Variants in IL2RA observed in about 807,000 individuals in gnomAD.
IL2RA encodes interleukin-2 receptor subunit alpha.
In IL2RA, 24 loss-of-function variants were observed where a neutral mutation model predicts 37.8. The observed-to-expected ratio is 0.63, with a 90% confidence interval of 0.46 to 0.89. The LOEUF is 0.89. Among genes scored for constraint, IL2RA ranks in the 40% least tolerant of loss-of-function variants. The probability of loss-of-function intolerance (pLI) is 0.00; values close to 1 mark genes in which losing one functional copy is unlikely to be tolerated. For missense variants in IL2RA, 319 were observed against 348.6 expected (o/e 0.92, Z 0.68); for synonymous variants, 125 against 114.6 (o/e 1.09, Z -0.58).
chr10:6,044,046 G>A lies in IL2RA; in HGVS notation c.65-18021C>T, dbSNP rs1839812585. Among the ~76,000 whole-genome samples the A allele has an allele frequency of 6.6e-6, 1 of 152,182 alleles. No individual in the cohort carries two copies. Among genetic ancestry groups the A allele is most frequent in the Non-Finnish European group, 1.5e-5 (1 of 68,036 alleles). On this transcript the variant is annotated intron_variant, in intron 1 of 7. Transcript: ENST00000379959. The surrounding 1 kb of genome is among the most constrained non-coding windows in gnomAD (Gnocchi z 4.5). ...CCCCTCTCCCCAAACTCAGTGGCAA[G>A]TCCACAGCGGGGAAAGTCTAACTCC...
In IL2RA at chr10:6,020,263, C is replaced by T. The variant is rs186102104; in HGVS notation, c.584-322G>A. ...GACTTGGAAACAGGTCATAATAATA[C>T]GAATGCCATTGAACCACTGGATGGA... On this transcript the variant is annotated intron_variant, in intron 4 of 7. Coordinates refer to ENST00000379959, the MANE Select transcript of IL2RA (RefSeq NM_000417.3). The surrounding 1 kb of genome is among the most constrained non-coding windows in gnomAD (Gnocchi z 5.6). Among the ~76,000 whole-genome samples the T allele has an allele frequency of 6.6e-5, 10 of 152,172 alleles. No homozygotes were observed. The highest frequency in any genetic ancestry group is 1.4e-4 in the African/African-American group (6 of 41,438).
chr10:6,052,960 G>A (rs1839988849), intron 1 of IL2RA, among the ~76,000 whole-genome samples: 1 of 152,154 alleles, frequency 6.6e-6, no homozygotes. Flanking sequence ...CAGACCCCAA[G>A]GACCAGGTGG....
At chr10:6,040,758 T>A (rs1839758595) in intron 1 of IL2RA, among the ~76,000 whole-genome samples, 1 of 152,176 alleles carries the variant, frequency 6.6e-6, no homozygotes, top group Admixed American at 6.5e-5. Flanking sequence ...CTGATAAAAC[T>A]GGTAACATAG....
chr10:6,050,973 G>GCTCA (rs367623458), intron 1 of IL2RA, among the ~76,000 whole-genome samples: 83 of 152,280 alleles, frequency 5.5e-4, no homozygotes, highest in East Asian at 1.9e-3. Flanking sequence ...CAGCCAAAAG[G>GCTCA]CTCACCCTGT....
intron 1 of IL2RA, 25 bp downstream of exon 1, chr10:6,062,063 T>A: frequency 6.2e-7 from 1 of 1,606,314 alleles, no homozygotes; most frequent in African/African-American, 1.3e-5. Context: ...TTCCCGGAAT[T>A]CCGGGGGCAC....
chr10:6,061,719 G>C (rs576522536), intron 1 of IL2RA, among the ~76,000 whole-genome samples: 1 of 152,154 alleles, frequency 6.6e-6, no homozygotes, highest in Non-Finnish European at 1.5e-5. Flanking sequence ...TTCTTAGTTG[G>C]GGGGTGGGAG....
At position 6,025,319 on chromosome 10, in the gene IL2RA, A is replaced by C. The variant is rs933838050; in HGVS notation, c.256+515T>G. 3.9e-5 allele frequency among the ~76,000 whole-genome samples: 6 copies of C among 152,088 alleles called. No individual in the cohort carries two copies. Among genetic ancestry groups the C allele is most frequent in the Admixed American group, 3.9e-4 (6 of 15,254 alleles). On this transcript the variant is annotated intron_variant, in intron 2 of 7. Coordinates refer to ENST00000379959, the MANE Select transcript of IL2RA (RefSeq NM_000417.3). The surrounding 1 kb of genome is among the most constrained non-coding windows in gnomAD (Gnocchi z 4.4). ...CAGTGATCTGAGATTGTACCACCGC[A>C]CCCCAGCCTGGGCAACAGAGCGAGA...
chr10:6,028,981 A>G lies in IL2RA; in HGVS notation c.65-2956T>C, dbSNP rs1839529443. Reference sequence around the variant, plus strand: ...CAGCCTGGGTTACAGAGTGAGTGAGAGTCTGTCTCAAAAAAAAAAAAAAAA... The same window carrying G: ...CAGCCTGGGTTACAGAGTGAGTGAGGGTCTGTCTCAAAAAAAAAAAAAAAA... On this transcript the variant is annotated intron_variant, in intron 1 of 7. Transcript: ENST00000379959. The surrounding 1 kb of genome is among the most constrained non-coding windows in gnomAD (Gnocchi z 4.1). 7.5e-6 allele frequency among the ~76,000 whole-genome samples: 1 copy of G among 133,934 alleles called. No homozygotes were observed. The highest frequency in any genetic ancestry group is 2.8e-5 in the African/African-American group (1 of 35,280). The allele number at this position is 133,934 out of a possible 152,430, so 87.9% of individuals were successfully genotyped here.
At chr10:6,060,216 T>G (rs371266792) in intron 1 of IL2RA, among the ~76,000 whole-genome samples, 1 of 152,208 alleles carries the variant, frequency 6.6e-6, no homozygotes, top group Non-Finnish European at 1.5e-5. Flanking sequence ...CCTAAAAGTA[T>G]GCCCTCTTTA....
intron 2 of IL2RA, 129 bp from the exon 3 acceptor site, chr10:6,024,483 C>CTGAG: frequency 2.7e-6 from 2 of 729,362 alleles, no homozygotes; most frequent in Non-Finnish European, 4.8e-6. Flanking sequence ...TGTCTGGCTG[C>CTGAG]TGAGCTTACA....
In IL2RA at chr10:6,012,852, A is replaced by T; in HGVS notation, c.*20T>A. On this transcript the variant is annotated 3_prime_UTR_variant, in exon 8 of 8. Coordinates refer to ENST00000379959, the MANE Select transcript of IL2RA (RefSeq NM_000417.3). This position sits in a 1 kb window ranked among gnomAD's most constrained non-coding sequence, Gnocchi z 4.8. ...TCTGTTCCCGGCTTCTTACCAAGAAATTCTTGTTCTTTTGGTTTTCTAGAT... is the reference window on the plus strand; with the variant it reads ...TCTGTTCCCGGCTTCTTACCAAGAATTTCTTGTTCTTTTGGTTTTCTAGAT... The T allele has an allele frequency of 6.2e-7, 1 of 1,613,164 alleles. No individual in the cohort carries two copies. Among genetic ancestry groups the T allele is most frequent in the Non-Finnish European group, 8.5e-7 (1 of 1,179,128 alleles).
Position 6,048,155 on chromosome 10 carries a change from T to C in IL2RA, c.64+13933A>G, listed in dbSNP as rs184920830. On this transcript the variant is annotated intron_variant, in intron 1 of 7. Coordinates refer to ENST00000379959, the MANE Select transcript of IL2RA (RefSeq NM_000417.3). This position sits in a 1 kb window ranked among gnomAD's most constrained non-coding sequence, Gnocchi z 5.3. Reference sequence around the variant, plus strand: ...GCCCTTGTCATGTGCCCGTCATGCATCACAGGAAGGCTGTCATGGGAGTCC... The same window carrying C: ...GCCCTTGTCATGTGCCCGTCATGCACCACAGGAAGGCTGTCATGGGAGTCC... Among the ~76,000 whole-genome samples the C allele has an allele frequency of 2.8e-4, 42 of 152,350 alleles. No homozygotes were observed. The highest frequency in any genetic ancestry group is 5.3e-4 in the Non-Finnish European group (36 of 68,032).
intron 1 of IL2RA, among the ~76,000 whole-genome samples, chr10:6,049,687 C>T (rs566789489): frequency 6.6e-6 from 1 of 152,358 alleles, no homozygotes; most frequent in South Asian, 2.1e-4. Flanking sequence ...ACACGGCACT[C>T]ACCCTACTGT....
At position 6,054,719 on chromosome 10, in the gene IL2RA, A is replaced by T. The variant is rs1840015771; in HGVS notation, c.64+7369T>A. Among the ~76,000 whole-genome samples, 1 of 152,140 alleles carries T rather than the reference A, an allele frequency of 6.6e-6. No individual in the cohort carries two copies. Among genetic ancestry groups the T allele is most frequent in the Non-Finnish European group, 1.5e-5 (1 of 68,028 alleles). ...CCTGATATTCAGAACCACCATTCAG[A>T]GCCAGGAGGTCCCAGGGCCACCTTC... On this transcript the variant is annotated intron_variant, in intron 1 of 7. Coordinates refer to ENST00000379959, the MANE Select transcript of IL2RA (RefSeq NM_000417.3). This position sits in a 1 kb window ranked among gnomAD's most constrained non-coding sequence, Gnocchi z 4.5.
rs1397200896 is a variant in IL2RA at position 6,012,686 on chromosome 10, C to G, written c.*186G>C. ...GCGCTCGCTCTCTGATGGGACTGAGCTGGCATAGAGACAAGGTTGCCACTG... is the reference window on the plus strand; with the variant it reads ...GCGCTCGCTCTCTGATGGGACTGAGGTGGCATAGAGACAAGGTTGCCACTG... On this transcript the variant is annotated 3_prime_UTR_variant, in exon 8 of 8. Transcript: ENST00000379959. The surrounding 1 kb of genome is among the most constrained non-coding windows in gnomAD (Gnocchi z 4.8). 1 of 675,790 alleles carries G rather than the reference C, an allele frequency of 1.5e-6. No individual in the cohort carries two copies. The highest frequency in any genetic ancestry group is 2.7e-6 in the Non-Finnish European group (1 of 369,336). 41.9% of individuals were successfully genotyped at this position (675,790 alleles called of 1,614,324 possible).
intron 7 of IL2RA, among the ~76,000 whole-genome samples, chr10:6,013,383 T>A (rs1030361761): frequency 6.6e-6 from 1 of 152,234 alleles, no homozygotes; most frequent in Non-Finnish European, 1.5e-5. Flanking sequence ...TGAGTTTAAA[T>A]ACACTTAAGT....
At chr10:6,043,849 T>C (rs992535035) in intron 1 of IL2RA, among the ~76,000 whole-genome samples, 3 of 152,244 alleles carry the variant, frequency 2.0e-5, no homozygotes, top group African/African-American at 7.2e-5. Flanking sequence ...CTTTGTGTTT[T>C]TCTGTATTGG....
rs150062612 is a variant in IL2RA, at chr10:6,020,721, C to T, written c.583+757G>A. Among the ~76,000 whole-genome samples the T allele has an allele frequency of 0.014, 2,159 of 151,988 alleles. 52 individuals carry two copies. The highest frequency in any genetic ancestry group is 0.049 in the African/African-American group (2,026 of 41,416). ...ATAATTTTTGTATTTTTAGTAGAGA[C>T]GGGGTTTCACCATGTTGGCCAGGCT... is the stretch of plus-strand genomic sequence containing the variant. On this transcript the variant is annotated intron_variant, in intron 4 of 7. Coordinates refer to ENST00000379959, the MANE Select transcript of IL2RA (RefSeq NM_000417.3). This position sits in a 1 kb window ranked among gnomAD's most constrained non-coding sequence, Gnocchi z 5.6.
Position 6,025,727 on chromosome 10 carries a change from T to C in IL2RA, c.256+107A>G. 9.6e-7 allele frequency: 1 copy of C among 1,046,660 alleles called. No individual in the cohort carries two copies. 64.8% of individuals were successfully genotyped at this position (1,046,660 alleles called of 1,614,324 possible). A position where few individuals can be genotyped will look rare whatever the true frequency, so the allele number is the denominator to read the frequency against. On this transcript the variant is annotated intron_variant, in intron 2 of 7. Coordinates refer to ENST00000379959, the MANE Select transcript of IL2RA (RefSeq NM_000417.3). The surrounding 1 kb of genome is among the most constrained non-coding windows in gnomAD (Gnocchi z 4.4). ...CACTAAAATTAGTTATCCTGTAGACTGGACTGGCCCATTTGTGTCTATAGG... is the reference window on the plus strand; with the variant it reads ...CACTAAAATTAGTTATCCTGTAGACCGGACTGGCCCATTTGTGTCTATAGG...
Sources: gnomAD v4.1 joint callset for allele counts (sites outside exome capture counted in the v4.1 genomes callset) on GRCh38, gnomAD v4.1.1 for gene constraint, Gnocchi (gnomAD v3.1) non-coding constraint, MANE v1.5 for transcripts, NCBI Gene and HGNC (gene_info 2026-07-23, HGNC 2026-07-21) for gene names.